Variants in DHCR24 observed in about 807,000 individuals in gnomAD.
DHCR24 encodes the protein delta(24)-sterol reductase.
DHCR24 carries 28 observed loss-of-function variants against 61.2 expected under a neutral mutation model. The ratio of observed to expected loss-of-function variants is 0.46; its 90% CI spans 0.34 to 0.63. The LOEUF is 0.63. DHCR24 is among the 20% of genes least tolerant of loss of function. The pLI is 0.01. For missense variants in DHCR24, 538 were observed against 679.1 expected (o/e 0.79, Z 2.31); for synonymous variants, 261 against 275.9 (o/e 0.95, Z 0.54).
rs762563670 is a variant in DHCR24 at position 54,853,520 on chromosome 1, A to C, written c.1311T>G (p.Ile437Met). Reference sequence around the variant, plus strand: ...TCACACGCGGCTCCCCATATGCTCCAATGTCGATGTAGAGCTCTGCCTCAT... The same window carrying C: ...TCACACGCGGCTCCCCATATGCTCCCATGTCGATGTAGAGCTCTGCCTCAT... ...KGNEAELYID[I>M]GAYGEPRVKH... The change falls in exon 8 of 9, where the codon ATT becomes ATG. Residue 437 changes from isoleucine (I) to methionine (M), a missense_variant. Coordinates refer to ENST00000371269, the MANE Select transcript of DHCR24 (RefSeq NM_014762.4). The C allele has an allele frequency of 6.2e-7, 1 of 1,614,128 alleles. No homozygotes were observed. Among genetic ancestry groups the C allele is most frequent in the Non-Finnish European group, 8.5e-7 (1 of 1,180,026 alleles).
chr1:54,886,775 C>T, intron 1 of DHCR24, 114 bp downstream of exon 1: 2 of 1,518,302 alleles, frequency 1.3e-6, no homozygotes, highest in Non-Finnish European at 1.8e-6. Flanking sequence ...TCCCCACCCC[C>T]CCAGGAAGTC....
rs1557442393 is a variant in DHCR24 at position 54,887,194 on chromosome 1, C to T, written c.-75G>A. 3.0e-6 allele frequency: 4 copies of T among 1,338,148 alleles called. No homozygotes were observed. The highest frequency in any genetic ancestry group is 1.5e-5 in the African/African-American group (1 of 67,782). The allele number at this position is 1,338,148 out of a possible 1,614,324, so 82.9% of individuals were successfully genotyped here. ...CCGCCAGCTCCGCGCCTGGCCCGCT[C>T]TGCGCCTGTAGCCCACAGCCCGGGG... On this transcript the variant is annotated 5_prime_UTR_variant, in exon 1 of 9. Coordinates refer to ENST00000371269, the MANE Select transcript of DHCR24 (RefSeq NM_014762.4).
At chr1:54,875,798 G>A in intron 3 of DHCR24, 144 bp downstream of exon 3, 1 of 716,176 alleles carries the variant, frequency 1.4e-6, no homozygotes, top group Non-Finnish European at 2.6e-6. Context: ...CCCTGTCATT[G>A]GAGCAGGCAA....
At chr1:54,865,258 C>G (rs754195789) in intron 6 of DHCR24, 45 bp downstream of exon 6, 25 of 1,596,702 alleles carry the variant, frequency 1.6e-5, no homozygotes, top group Non-Finnish European at 2.0e-5. Flanking sequence ...GGCTCCCTGC[C>G]CAGCTGGCCT....
At chr1:54,854,324 T>G (rs1646895219) in intron 6 of DHCR24, 90 bp from the exon 7 acceptor site, 3 of 1,196,504 alleles carry the variant, frequency 2.5e-6, no homozygotes, top group Non-Finnish European at 3.6e-6. Flanking sequence ...GGTCCCATTC[T>G]GTGCTTGACA....
rs1647027169 is a variant in DHCR24 at position 54,876,111 on chromosome 1, G to A, written c.388-64C>T. On this transcript the variant is annotated intron_variant, in intron 2 of 8. Coordinates refer to ENST00000371269, the MANE Select transcript of DHCR24 (RefSeq NM_014762.4). ...GCTGCCAGGCCCAAGGGGAGCTGCT[G>A]CACACAGAAGGTGTCATCTCAAACC... 14 of 1,268,672 alleles carry A rather than the reference G, an allele frequency of 1.1e-5. No homozygotes were observed. The Admixed American group carries it at 2.0e-4, about 19-fold the overall frequency. 78.6% of individuals were successfully genotyped at this position (1,268,672 alleles called of 1,614,324 possible). A position where few individuals can be genotyped will look rare whatever the true frequency, so the allele number is the denominator to read the frequency against.
chr1:54,876,102 G>T, intron 2 of DHCR24, 55 bp from the exon 3 acceptor site: 1 of 1,385,574 alleles, frequency 7.2e-7, no homozygotes, highest in South Asian at 1.2e-5. Flanking sequence ...AGGCCCAAGG[G>T]GAGCTGCTGC....
At chr1:54,880,595 T>A (rs1292693896) in intron 2 of DHCR24, among the ~76,000 whole-genome samples, 1 of 151,802 alleles carries the variant, frequency 6.6e-6, no homozygotes, top group Non-Finnish European at 1.5e-5. Context: ...TGAAACCCCC[T>A]CTCTATTAAA....
chr1:54,880,037 CA>C (rs1477467619), intron 2 of DHCR24, among the ~76,000 whole-genome samples: 1 of 151,870 alleles, frequency 6.6e-6, no homozygotes, highest in Non-Finnish European at 1.5e-5. Context: ...CACACACACA[CA>C]AAGGGAAAAA....
intron 3 of DHCR24, among the ~76,000 whole-genome samples, chr1:54,875,466 C>T (rs1236844922): frequency 6.6e-6 from 1 of 152,052 alleles, no homozygotes; most frequent in Non-Finnish European, 1.5e-5. Context: ...TCACACCTCA[C>T]CTCTGGCCAG....
intron 2 of DHCR24, among the ~76,000 whole-genome samples, chr1:54,882,212 C>A (rs1467896915): frequency 2.0e-5 from 3 of 151,654 alleles, no homozygotes; most frequent in Non-Finnish European, 4.4e-5. Flanking sequence ...TTGATCAGGC[C>A]TCACCAAAGA....
At chr1:54,865,047 G>A (rs551409743) in intron 6 of DHCR24, among the ~76,000 whole-genome samples, 1 of 152,302 alleles carries the variant, frequency 6.6e-6, no homozygotes, top group South Asian at 2.1e-4. Context: ...ACAGGTCTGT[G>A]TTCCCCAAAG....
chr1:54,867,773 C>T (rs1431986533), intron 5 of DHCR24, among the ~76,000 whole-genome samples: 2 of 152,142 alleles, frequency 1.3e-5, no homozygotes, highest in Non-Finnish European at 2.9e-5. Context: ...GTGACACACA[C>T]TGTCTGAGCT....
intron 5 of DHCR24, 42 bp from the exon 6 acceptor site, chr1:54,865,488 G>A (rs1171262473): frequency 8.7e-6 from 14 of 1,612,318 alleles, no homozygotes; most frequent in Admixed American, 1.7e-5. Flanking sequence ...GCAGACAAGC[G>A]CCCAGCACCA....
At chr1:54,875,275 G>A in intron 3 of DHCR24, 64 bp from the exon 4 acceptor site, 2 of 1,438,036 alleles carry the variant, frequency 1.4e-6, no homozygotes, top group Non-Finnish European at 9.8e-7. Context: ...GGGGTGGGTT[G>A]GAGCTGGGGG....
intron 5 of DHCR24, among the ~76,000 whole-genome samples, chr1:54,867,863 G>A (rs1171733047): frequency 6.6e-6 from 1 of 152,172 alleles, no homozygotes; most frequent in Non-Finnish European, 1.5e-5. Flanking sequence ...GCTGTTCCAG[G>A]ACCTCCAGCA....
chr1:54,875,689 C>T (rs778641955), intron 3 of DHCR24, among the ~76,000 whole-genome samples: 53 of 152,212 alleles, frequency 3.5e-4, no homozygotes, highest in Non-Finnish European at 4.6e-4. Context: ...GGAATTGGAG[C>T]AATGGGAACA....
rs11555500 is a variant in DHCR24, at chr1:54,850,268, G to A, written c.*1965C>T. 1 of 152,212 alleles carries A rather than the reference G, an allele frequency of 6.6e-6. No individual in the cohort carries two copies. The highest frequency in any genetic ancestry group is 6.5e-5 in the Admixed American group (1 of 15,284). 9.4% of individuals were successfully genotyped at this position (152,212 alleles called of 1,614,324 possible). On this transcript the variant is annotated 3_prime_UTR_variant, in exon 9 of 9. Coordinates refer to ENST00000371269, the MANE Select transcript of DHCR24 (RefSeq NM_014762.4). ...TGGAGGCTTCACTGGCAAAACAATG[G>A]CACTGTTTAACTAGCTCGTGTTAAC...
chr1:54,863,467 G>A (rs757373049), intron 6 of DHCR24, among the ~76,000 whole-genome samples: 1 of 152,170 alleles, frequency 6.6e-6, no homozygotes, highest in South Asian at 2.1e-4. Flanking sequence ...ATAGCTCAGC[G>A]TGGGCATGCT....
Sources: allele counts gnomAD v4.1 joint callset (sites outside exome capture counted in the v4.1 genomes callset), GRCh38; gene constraint gnomAD v4.1.1; transcripts MANE v1.5; gene names NCBI Gene and HGNC (gene_info 2026-07-23, HGNC 2026-07-21).